RBMS2: variants seen among roughly 807,000 people sequenced by gnomAD.
RBMS2 encodes RNA-binding motif, single-stranded-interacting protein 2.
Under a neutral mutation model 58.4 loss-of-function variants are expected in RBMS2, and 38 were observed. The observed-to-expected ratio is 0.65, with a 90% CI of 0.50 to 0.85. RBMS2 has a LOEUF of 0.85. Among genes scored for constraint, RBMS2 ranks in the 40% least tolerant of loss-of-function variants. The pLI is 0.00. For synonymous variants in RBMS2, 151 were observed against 180.7 expected (o/e 0.84, Z 1.32); for missense variants, 367 against 503.7 (o/e 0.73, Z 2.60).
chr12:56,535,032 T>A (rs554702943), intron 1 of RBMS2, among the ~76,000 whole-genome samples: 1 of 152,288 alleles, frequency 6.6e-6, no homozygotes, highest in South Asian at 2.1e-4. Flanking sequence ...CTTTCTTCAT[T>A]TGACTTATGG....
chr12:56,575,527 C>A (rs1257446785), intron 5 of RBMS2, among the ~76,000 whole-genome samples: 1 of 151,732 alleles, frequency 6.6e-6, no homozygotes, highest in Admixed American at 6.6e-5. Context: ...CCATAGGACC[C>A]CCAGCCACTT....
At chr12:56,542,912 T>G (rs1223743849) in intron 1 of RBMS2, among the ~76,000 whole-genome samples, 1 of 151,698 alleles carries the variant, frequency 6.6e-6, no homozygotes, top group Admixed American at 6.6e-5. Context: ...TTTATTTATT[T>G]ATTTATTTAT....
At chr12:56,530,300 T>C (rs1239915229) in intron 1 of RBMS2, among the ~76,000 whole-genome samples, 1 of 133,986 alleles carries the variant, frequency 7.5e-6, no homozygotes, top group African/African-American at 2.7e-5. Flanking sequence ...AGAAATGAGA[T>C]AAAAGCTAGA....
In RBMS2 at chr12:56,572,152, G is replaced by A. The variant is rs993717857; in HGVS notation, c.542+297G>A. Among the ~76,000 whole-genome samples the A allele has an allele frequency of 7.2e-5, 11 of 151,764 alleles. No individual in the cohort carries two copies. The South Asian group carries it at 2.3e-3, about 32-fold the overall frequency. On this transcript the variant is annotated intron_variant, in intron 5 of 13. Coordinates refer to ENST00000262031, the MANE Select transcript of RBMS2 (RefSeq NM_002898.4). Reference sequence around the variant, plus strand: ...AAAAATACAAAAATTAGCCAGACGTGGTGGCGCATGCCTGTAATCCCAGCT... The same window carrying A: ...AAAAATACAAAAATTAGCCAGACGTAGTGGCGCATGCCTGTAATCCCAGCT...
chr12:56,573,835 T>TTTGTTGTTG (rs376072493), intron 5 of RBMS2, among the ~76,000 whole-genome samples: 1 of 151,734 alleles, frequency 6.6e-6, no homozygotes, highest in Non-Finnish European at 1.5e-5. Flanking sequence ...TTTTTGTATT[T>TTTGTTGTTG]TTGTTGTTGT....
In RBMS2 at chr12:56,541,978, A is replaced by C. The variant is rs185133985; in HGVS notation, c.66+19889A>C. 7.2e-5 allele frequency among the ~76,000 whole-genome samples: 11 copies of C among 152,336 alleles called. No individual in the cohort carries two copies. The East Asian group carries it at 1.7e-3, about 24-fold the overall frequency. On this transcript the variant is annotated intron_variant, in intron 1 of 13. Transcript: ENST00000262031. ...AGTCAAAAAATAAAATAAACATAAA[A>C]AATTTTAAAAGATGATACAAGATTC...
rs184393213 is a variant in RBMS2 at position 56,572,544 on chromosome 12, G to A, written c.542+689G>A. ...CTCTAGGCTTTGTTCCTTTAATCCA[G>A]ACCCAACCAGAGTAAAAAATTCTGT... On this transcript the variant is annotated intron_variant, in intron 5 of 13. Coordinates refer to ENST00000262031, the MANE Select transcript of RBMS2 (RefSeq NM_002898.4). Among the ~76,000 whole-genome samples the A allele has an allele frequency of 1.8e-3, 276 of 152,128 alleles. 1 individual carries two copies. The highest frequency in any genetic ancestry group is 6.5e-3 in the African/African-American group (269 of 41,516).
At chr12:56,580,865 A>C (rs1353834541) in intron 5 of RBMS2, among the ~76,000 whole-genome samples, 1 of 152,248 alleles carries the variant, frequency 6.6e-6, no homozygotes, top group African/African-American at 2.4e-5. Flanking sequence ...TTTTCTAATA[A>C]AAAATAATGG....
chr12:56,524,896 A>G (rs1443923626), intron 1 of RBMS2, among the ~76,000 whole-genome samples: 1 of 143,534 alleles, frequency 7.0e-6, no homozygotes, highest in East Asian at 2.2e-4. Flanking sequence ...ATTTTTTTGT[A>G]TTTTTAGTAG....
chr12:56,581,136 G>A, intron 5 of RBMS2, 48 bp from the exon 6 acceptor site: 1 of 1,442,896 alleles, frequency 6.9e-7, no homozygotes, highest in Non-Finnish European at 9.7e-7. Context: ...TGTGTGGAGA[G>A]CACAGATCCT....
chr12:56,590,216 CT>C lies in RBMS2; in HGVS notation c.*1084del, dbSNP rs1427868249. The C allele has an allele frequency of 6.6e-6, 1 of 152,348 alleles. No individual in the cohort carries two copies. The highest frequency in any genetic ancestry group is 1.9e-4 in the East Asian group (1 of 5,200). 9.4% of individuals were successfully genotyped at this position (152,348 alleles called of 1,614,324 possible). On this transcript the variant is annotated 3_prime_UTR_variant, in exon 14 of 14. Coordinates refer to ENST00000262031, the MANE Select transcript of RBMS2 (RefSeq NM_002898.4). ...TTCTGTCCTGGGCTTCATGGCCCCT[CT>C]CTTCCCTGTTACACATTGCTGTGCT...
At chr12:56,574,786 G>A (rs554979176) in intron 5 of RBMS2, among the ~76,000 whole-genome samples, 48 of 152,068 alleles carry the variant, frequency 3.2e-4, no homozygotes, top group Non-Finnish European at 6.3e-4. Context: ...CTGTTACTTC[G>A]TTTAAAAATG....
At chr12:56,570,026 G>A (rs1882025679) in intron 4 of RBMS2, 36 bp downstream of exon 4, 1 of 1,563,234 alleles carries the variant, frequency 6.4e-7, no homozygotes, top group Admixed American at 1.7e-5. Flanking sequence ...CCTCCAAGGG[G>A]TTTGTGGTTA....
Position 56,572,810 on chromosome 12 carries a change from T to A in RBMS2, c.542+955T>A, listed in dbSNP as rs564725548. On this transcript the variant is annotated intron_variant, in intron 5 of 13. Coordinates refer to ENST00000262031, the MANE Select transcript of RBMS2 (RefSeq NM_002898.4). ...TTCAGATCTGTTGGGAGACCTGTAT[T>A]CCAGAACAATTCTGCACCTGTGATA... 1.4e-5 allele frequency: 14 copies of A among 985,180 alleles called. No homozygotes were observed. In the East Asian group the frequency reaches 6.8e-4, roughly 48 times the overall value. The allele number at this position is 985,180 out of a possible 1,614,324, so 61.0% of individuals were successfully genotyped here. A position where few individuals can be genotyped will look rare whatever the true frequency, so the allele number is the denominator to read the frequency against.
chr12:56,586,110 C>T (rs1399259145), intron 9 of RBMS2, among the ~76,000 whole-genome samples: 5 of 152,100 alleles, frequency 3.3e-5, no homozygotes, highest in East Asian at 3.9e-4. Flanking sequence ...GGGCATATCA[C>T]GAGGTCAGGA....
chr12:56,558,019 A>G (rs796543784), intron 1 of RBMS2, among the ~76,000 whole-genome samples: 13 of 131,306 alleles, frequency 9.9e-5, no homozygotes, highest in South Asian at 5.1e-4. Context: ...GATTACAGGC[A>G]TGAGCCACCT....
chr12:56,577,315 G>T (rs1174975421), intron 5 of RBMS2, among the ~76,000 whole-genome samples: 1 of 151,208 alleles, frequency 6.6e-6, no homozygotes, highest in Non-Finnish European at 1.5e-5. Flanking sequence ...GGAGTCTGAG[G>T]CAGGAGAATC....
chr12:56,566,368 C>G (rs1337335778), intron 2 of RBMS2, among the ~76,000 whole-genome samples: 3 of 152,166 alleles, frequency 2.0e-5, no homozygotes, highest in Non-Finnish European at 4.4e-5. Context: ...TCTGTTCTGT[C>G]TCTTTAATAT....
At chr12:56,586,187 C>T (rs1211845902) in intron 9 of RBMS2, among the ~76,000 whole-genome samples, 3 of 152,112 alleles carry the variant, frequency 2.0e-5, no homozygotes. Flanking sequence ...GCAAAATTAG[C>T]CGGGCATGGT....
Sources: allele counts gnomAD v4.1 joint callset (sites outside exome capture counted in the v4.1 genomes callset), GRCh38; gene constraint gnomAD v4.1.1; transcripts MANE v1.5; gene names NCBI Gene and HGNC (gene_info 2026-07-23, HGNC 2026-07-21).